The following N4BP2L2 variants were observed in gnomAD, a reference collection of about 807,000 sequenced individuals.
The protein encoded by N4BP2L2 is NEDD4 binding protein 2 like 2.
A neutral mutation model predicts 56.2 loss-of-function variants in N4BP2L2; 50 were observed. The observed-to-expected ratio is 0.89, with a 90% CI of 0.71 to 1.13. The LOEUF (loss-of-function observed/expected upper bound fraction) is 1.13, where lower values mean the gene tolerates loss of function less well. Ranked by LOEUF, N4BP2L2 falls within the 50% of genes most tolerant of loss-of-function variation. The pLI, the probability that N4BP2L2 is intolerant of heterozygous loss-of-function variation, is 0.00. For missense variants in N4BP2L2, 689 were observed against 693.8 expected (o/e 0.99, Z 0.08); for synonymous variants, 203 against 223.6 (o/e 0.91, Z 0.82).
At chr13:32,521,375 T>C (rs2050860925) in exon 5 of N4BP2L2, 4 of 1,604,420 alleles carry the variant, frequency 2.5e-6, no homozygotes, top group Non-Finnish European at 3.4e-6. Context: ...TGTCTTACTT[T>C]TCTAATTCTT....
At chr13:32,477,614 T>C (rs755059685) in intron 6 of N4BP2L2, 23 of 314,520 alleles carry the variant, frequency 7.3e-5, no homozygotes, top group Non-Finnish European at 1.4e-4. Flanking sequence ...CTAATCTGGA[T>C]GGAGAGACAG....
intron 5 of N4BP2L2, among the ~76,000 whole-genome samples, chr13:32,520,607 T>A (rs1483426549): frequency 6.8e-6 from 1 of 148,016 alleles, no homozygotes; most frequent in African/African-American, 2.5e-5. Context: ...TGCAGTGAGC[T>A]GAGATTGCAC....
intron 6 of N4BP2L2, among the ~76,000 whole-genome samples, chr13:32,466,588 T>C (rs1460422916): frequency 2.0e-5 from 3 of 151,910 alleles, no homozygotes; most frequent in Admixed American, 2.0e-4. Flanking sequence ...ACCCACACCA[T>C]GATTGAGTTT....
intron 5 of N4BP2L2, among the ~76,000 whole-genome samples, chr13:32,520,465 T>C (rs1232341600): frequency 6.6e-6 from 1 of 151,740 alleles, no homozygotes; most frequent in Non-Finnish European, 1.5e-5. Context: ...AAGACCATCC[T>C]GGCTAACACG....
downstream of N4BP2L2, chr13:32,507,176 G>T (rs2139684003): frequency 6.6e-6 from 1 of 152,190 alleles, no homozygotes; most frequent in East Asian, 1.9e-4. Flanking sequence ...CTAGCTTACA[G>T]AGATAGATAA....
intron 6 of N4BP2L2, among the ~76,000 whole-genome samples, chr13:32,471,576 C>T (rs962343385): frequency 6.6e-6 from 1 of 152,230 alleles, no homozygotes; most frequent in African/African-American, 2.4e-5. Context: ...AGCCAAGGCT[C>T]GGCTCGTCTT....
chr13:32,517,939 T>C lies in N4BP2L2; in HGVS notation c.1615A>G (p.Met539Val), dbSNP rs751169614. Residue 539 changes from methionine (M) to valine (V), a missense_variant, in exon 6 of 6, where the codon ATG becomes GTG. Coordinates refer to ENST00000267068, the Ensembl canonical transcript of N4BP2L2. ...GAATTCATTACAATAGAAATGGACA[T>C]TTGATATTCATAACGATCCAACATC... The C allele has an allele frequency of 3.1e-6, 5 of 1,614,100 alleles. No homozygotes were observed. In the South Asian group the frequency reaches 5.5e-5, roughly 18 times the overall value.
At chr13:32,502,431 AT>A (rs1390735448) in intron 6 of N4BP2L2, among the ~76,000 whole-genome samples, 2 of 152,064 alleles carry the variant, frequency 1.3e-5, no homozygotes, top group Non-Finnish European at 2.9e-5. Flanking sequence ...TCTTCACTGT[AT>A]TATCAAAAGA....
At chr13:32,535,809 AAAGAAT>A in exon 2 of N4BP2L2, 1 of 1,614,132 alleles carries the variant, frequency 6.2e-7, no homozygotes, top group Non-Finnish European at 8.5e-7. Context: ...AGACCTCTTA[AAAGAAT>A]AAGTAACTTC....
intron 6 of N4BP2L2, among the ~76,000 whole-genome samples, chr13:32,488,905 T>G (rs1593807496): frequency 6.6e-6 from 1 of 152,166 alleles, no homozygotes; most frequent in Non-Finnish European, 1.5e-5. Flanking sequence ...ATATATTGAG[T>G]ATAAACTTTG....
At chr13:32,486,653 G>A (rs2085930114) in intron 6 of N4BP2L2, among the ~76,000 whole-genome samples, 1 of 151,676 alleles carries the variant, frequency 6.6e-6, no homozygotes, top group South Asian at 2.1e-4. Context: ...TCCAACCTGG[G>A]CAACAGAGCA....
chr13:32,439,058 C>T (rs780438478), intron 7 of N4BP2L2, among the ~76,000 whole-genome samples: 24 of 152,212 alleles, frequency 1.6e-4, no homozygotes, highest in Non-Finnish European at 2.9e-4. Context: ...CAAGTACATG[C>T]CATTTCCAAA....
intron 6 of N4BP2L2, among the ~76,000 whole-genome samples, chr13:32,454,835 A>G (rs2078692266): frequency 6.6e-6 from 1 of 152,214 alleles, no homozygotes; most frequent in Admixed American, 6.5e-5. Flanking sequence ...GGAATTCAAC[A>G]GAGAAATTAT....
In N4BP2L2 at chr13:32,446,305, A is replaced by G. The variant is rs1479167676; in HGVS notation, c.366-2179T>C. On this transcript the variant is annotated intron_variant, in intron 6 of 9. Transcript: ENST00000357505. Reference sequence around the variant, plus strand: ...GTGATGGGGCCTCTATAAAAAGGATATTGAGTAAAGAGTGCTATCTGTGGT... The same window carrying G: ...GTGATGGGGCCTCTATAAAAAGGATGTTGAGTAAAGAGTGCTATCTGTGGT... 7 of 1,236,082 alleles carry G rather than the reference A, an allele frequency of 5.7e-6. No homozygotes were observed. The East Asian group carries it at 3.3e-4, about 59-fold the overall frequency. The allele number at this position is 1,236,082 out of a possible 1,614,324, so 76.6% of individuals were successfully genotyped here. A position where few individuals can be genotyped will look rare whatever the true frequency, so the allele number is the denominator to read the frequency against.
exon 6 of N4BP2L2, chr13:32,515,789 T>C (rs1446780072): frequency 6.6e-6 from 1 of 151,930 alleles, no homozygotes; most frequent in African/African-American, 2.4e-5. Context: ...CAGGCTGGAG[T>C]GCAAGTGGCG....
At chr13:32,508,916 A>G (rs569598383), downstream of N4BP2L2, 1 of 152,320 alleles carries the variant, frequency 6.6e-6, no homozygotes, top group African/African-American at 2.4e-5. Flanking sequence ...ATTCTTCTGT[A>G]AAGTGTTAAA....
intron 7 of N4BP2L2, among the ~76,000 whole-genome samples, chr13:32,438,979 T>C (rs955643363): frequency 2.6e-5 from 4 of 152,270 alleles, no homozygotes; most frequent in Non-Finnish European, 5.9e-5. Context: ...GACCATGAGC[T>C]TGGCTCGTCC....
intron 5 of N4BP2L2, among the ~76,000 whole-genome samples, chr13:32,518,361 C>CA (rs2049783315): frequency 6.6e-6 from 1 of 152,070 alleles, no homozygotes. Context: ...CTAGGACTTG[C>CA]AAAAATTGAA....
intron 6 of N4BP2L2, chr13:32,489,955 T>A (rs1286226657): frequency 6.6e-6 from 1 of 152,206 alleles, no homozygotes; most frequent in Non-Finnish European, 1.5e-5. Context: ...ATTCTCTTAA[T>A]AATTGTTTAA....
Sources: allele counts gnomAD v4.1 joint callset (sites outside exome capture counted in the v4.1 genomes callset), GRCh38; gene constraint gnomAD v4.1.1; transcripts MANE v1.5; gene names NCBI Gene and HGNC (gene_info 2026-07-23, HGNC 2026-07-21).